SLC11A2: variants seen among roughly 807,000 people sequenced by gnomAD.
SLC11A2 encodes natural resistance-associated macrophage protein 2.
SLC11A2 carries 38 observed loss-of-function variants against 68.0 expected under a neutral mutation model. The ratio of observed to expected loss-of-function variants is 0.56; its 90% CI spans 0.43 to 0.73. SLC11A2 has a LOEUF of 0.73. SLC11A2 is among the 30% of genes least tolerant of loss of function. The pLI is 0.00. For synonymous variants in SLC11A2, 242 were observed against 250.6 expected (o/e 0.97, Z 0.32); for missense variants, 517 against 690.5 (o/e 0.75, Z 2.82).
chr12:50,966,490 T>C, the SLC11A2 span, among the ~76,000 whole-genome samples: 2 of 152,194 alleles, frequency 1.3e-5, no homozygotes, highest in Admixed American at 6.5e-5. Context: ...ACCCAAGAGA[T>C]GCCAGTAGAA....
intron 1 of SLC11A2, among the ~76,000 whole-genome samples, chr12:51,016,847 C>CAA (rs34208777): frequency 1.2e-4 from 7 of 60,748 alleles, no homozygotes; most frequent in African/African-American, 3.7e-4. Flanking sequence ...AACTCTGTCT[C>CAA]AAAAAAAAAA....
intron 5 of SLC11A2, among the ~76,000 whole-genome samples, chr12:51,003,564 A>AAAAC (rs1012370865): frequency 2.0e-5 from 3 of 149,956 alleles, no homozygotes; most frequent in Admixed American, 1.3e-4. Flanking sequence ...AAAAAAAAAC[A>AAAAC]AAACAAACAA....
intron 6 of SLC11A2, chr12:50,999,688 A>G (rs757102965): frequency 2.2e-6 from 1 of 462,392 alleles, no homozygotes; most frequent in Non-Finnish European, 3.9e-6. Context: ...AGACAGATAG[A>G]ATTTTATAGG....
At chr12:50,953,909 TAATC>T in the SLC11A2 span, 2 of 707,826 alleles carry the variant, frequency 2.8e-6, no homozygotes, top group Non-Finnish European at 4.9e-6. Context: ...AAAAAACACA[TAATC>T]AAGAGTATGA....
chr12:50,970,523 G>C, the SLC11A2 span: 1 of 1,474,028 alleles, frequency 6.8e-7, no homozygotes, highest in Non-Finnish European at 9.3e-7. Flanking sequence ...CATGCTGGAA[G>C]CAAGAAAGAC....
At chr12:50,981,178 G>T (rs1940002419), downstream of SLC11A2, 1 of 152,144 alleles carries the variant, frequency 6.6e-6, no homozygotes, top group Non-Finnish European at 1.5e-5. Context: ...TAGATACAAA[G>T]GATATAATCT....
chr12:51,023,769 G>A (rs1422785540), intron 1 of SLC11A2, among the ~76,000 whole-genome samples: 1 of 152,104 alleles, frequency 6.6e-6, no homozygotes, highest in Non-Finnish European at 1.5e-5. Flanking sequence ...GGTTGGGCAC[G>A]GTGGCTGGCA....
downstream of SLC11A2, chr12:50,979,451 C>A: frequency 6.0e-6 from 1 of 166,574 alleles, no homozygotes; most frequent in South Asian, 1.6e-4. Flanking sequence ...TTCGTTTCCC[C>A]AACACTCTCT....
Position 50,999,405 on chromosome 12 carries a change from A to G in SLC11A2, c.547T>C (p.Trp183Arg). The change falls in exon 7 of 16, where the codon TGG (tryptophan) becomes CGG (arginine). Residue 183 changes from tryptophan (W) to arginine (R), a missense_variant. Trp to Arg is a moderately radical substitution (Grantham distance 101). Coordinates refer to ENST00000262052, the MANE Select transcript of SLC11A2 (RefSeq NM_000617.3). ...NLLSVGRIPL[W>R]GGVLITIADT... The stretch of plus-strand genomic sequence containing the variant: ...GCAATGGTGATGAGAACGCCACCCC[A>G]CAGAGGAATTCTAGGTCAGAGATGA... The G allele has an allele frequency of 6.2e-7, 1 of 1,612,762 alleles. No individual in the cohort carries two copies. Among genetic ancestry groups the G allele is most frequent in the Non-Finnish European group, 8.5e-7 (1 of 1,178,754 alleles).
intron 15 of SLC11A2, 114 bp downstream of exon 15, chr12:50,990,681 A>G: frequency 9.3e-7 from 1 of 1,080,000 alleles, no homozygotes; most frequent in Non-Finnish European, 1.4e-6. Context: ...AAGTACTGGG[A>G]TTATAGGCAT....
chr12:50,968,842 C>G, the SLC11A2 span, among the ~76,000 whole-genome samples: 1 of 151,374 alleles, frequency 6.6e-6, no homozygotes, highest in Non-Finnish European at 1.5e-5. Context: ...ACGCCTGACC[C>G]TAATTTTTTT....
the SLC11A2 span, among the ~76,000 whole-genome samples, chr12:50,959,997 C>T: frequency 2.0e-5 from 3 of 152,218 alleles, no homozygotes; most frequent in East Asian, 1.9e-4. Context: ...ATTAAGTTCT[C>T]AGTGTTTTAA....
At chr12:50,989,069 TCCTCC>T (rs1327027854) in intron 15 of SLC11A2, among the ~76,000 whole-genome samples, 18 of 152,206 alleles carry the variant, frequency 1.2e-4, no homozygotes, top group Middle Eastern at 6.8e-3. Flanking sequence ...TTTTCCTCAG[TCCTCC>T]CCATGATAAG....
the SLC11A2 span, chr12:50,970,447 C>A: frequency 1.6e-5 from 23 of 1,476,856 alleles, 1 homozygote; most frequent in South Asian, 2.7e-4. Flanking sequence ...TCTAGGTGTT[C>A]TCTATTCTAT....
chr12:51,007,765 C>T lies in SLC11A2; in HGVS notation c.183+711G>A, dbSNP rs571245317. On this transcript the variant is annotated intron_variant, in intron 3 of 15. Transcript: ENST00000262052. ...AAGTGATCCTTCCACCTCAGCCTCC[C>T]GAGTAGCTGGGACTACAGGTGCATA... is the stretch of plus-strand genomic sequence containing the variant. Among the ~76,000 whole-genome samples, 52 of 152,278 alleles carry T rather than the reference C, an allele frequency of 3.4e-4. 1 individual carries two copies. In the South Asian group the frequency reaches 0.01, roughly 30 times the overall value.
chr12:51,027,409 C>G (rs150715185), upstream of SLC11A2, among the ~76,000 whole-genome samples: 1 of 152,064 alleles, frequency 6.6e-6, no homozygotes, highest in Non-Finnish European at 1.5e-5. Flanking sequence ...GTATCTGCTG[C>G]CCCACCAAGA....
At chr12:51,025,079 T>C (rs1456373062) in intron 1 of SLC11A2, among the ~76,000 whole-genome samples, 1 of 152,206 alleles carries the variant, frequency 6.6e-6, no homozygotes, top group Non-Finnish European at 1.5e-5. Context: ...TTTCCAACCG[T>C]ATTTAATAAA....
At chr12:51,004,058 G>A (rs532405934) in intron 5 of SLC11A2, among the ~76,000 whole-genome samples, 4 of 152,152 alleles carry the variant, frequency 2.6e-5, no homozygotes, top group Non-Finnish European at 4.4e-5. Flanking sequence ...GGGCATATGG[G>A]ATATTTTGAT....
the SLC11A2 span, among the ~76,000 whole-genome samples, chr12:50,962,455 T>C: frequency 6.6e-6 from 1 of 151,290 alleles, no homozygotes; most frequent in Non-Finnish European, 1.5e-5. Context: ...ATCCCAGCAC[T>C]TTGGGAGGCC....
Sources: allele counts gnomAD v4.1 joint callset (sites outside exome capture counted in the v4.1 genomes callset), GRCh38; gene constraint gnomAD v4.1.1; transcripts MANE v1.5; gene names NCBI Gene and HGNC (gene_info 2026-07-23, HGNC 2026-07-21).